GNAQ: variants seen among roughly 807,000 people sequenced by gnomAD.
GNAQ encodes the protein G protein subunit alpha q.
In GNAQ, 8 loss-of-function variants were observed where a neutral mutation model predicts 43.9. The ratio of observed to expected loss-of-function variants is 0.18; its 90% CI spans 0.11 to 0.33. The LOEUF is 0.33. Ranked by LOEUF, GNAQ falls within the 10% of genes least tolerant of loss-of-function variation. The pLI is 1.00. For missense variants in GNAQ, 158 were observed against 450.8 expected, an observed-to-expected ratio of 0.35 and a Z score of 5.88; for synonymous variants, 155 against 170.7, an observed-to-expected ratio of 0.91 and a Z score of 0.71.
chr9:77,789,363 A>G, intron 5 of GNAQ, among the ~76,000 whole-genome samples: 1 of 152,220 alleles, frequency 6.6e-6, no homozygotes, highest in East Asian at 1.9e-4. Context: ...CATATACAAA[A>G]GGCTCACATC....
intron 2 of GNAQ, among the ~76,000 whole-genome samples, chr9:77,899,920 A>G (rs1360686803): frequency 6.6e-6 from 1 of 152,246 alleles, no homozygotes; most frequent in Non-Finnish European, 1.5e-5. Context: ...ATTCTAGCAG[A>G]GCAAATTCTG....
chr9:77,963,941 T>C (rs867024211), intron 1 of GNAQ, among the ~76,000 whole-genome samples: 1 of 152,170 alleles, frequency 6.6e-6, no homozygotes, highest in East Asian at 1.9e-4. Context: ...CAGTTAATAA[T>C]GTAAAAAAGA....
intron 5 of GNAQ, among the ~76,000 whole-genome samples, chr9:77,792,995 T>C (rs1030814110): frequency 6.6e-6 from 1 of 152,008 alleles, no homozygotes. Flanking sequence ...GTACCCAGCA[T>C]ATAGTAGGGA....
chr9:77,924,035 G>A (rs1337455541), intron 1 of GNAQ, among the ~76,000 whole-genome samples: 1 of 152,046 alleles, frequency 6.6e-6, no homozygotes, highest in Admixed American at 6.5e-5. Flanking sequence ...TACAATGAAA[G>A]GTATTTCTAG....
chr9:78,020,963 A>G (rs1390122953), intron 1 of GNAQ, among the ~76,000 whole-genome samples: 1 of 152,094 alleles, frequency 6.6e-6, no homozygotes, highest in Non-Finnish European at 1.5e-5. Context: ...ACATTTCTCC[A>G]GAACTAGCAT....
rs527269073 is a variant in GNAQ, at chr9:77,726,179, G to A, written c.889+2335C>T. 1.1e-4 allele frequency among the ~76,000 whole-genome samples: 16 copies of A among 152,314 alleles called. No individual in the cohort carries two copies. In the East Asian group the frequency reaches 3.1e-3, roughly 29 times the overall value. ...TTTCTGAGCAACACTGAGAAGTGCA[G>A]TCTCAGGCATTGATGATTTGTTTCC... On this transcript the variant is annotated intron_variant, in intron 6 of 6. Coordinates refer to ENST00000286548, the MANE Select transcript of GNAQ (RefSeq NM_002072.5).
chr9:77,766,251 G>T (rs1306481628), intron 5 of GNAQ, among the ~76,000 whole-genome samples: 2 of 152,118 alleles, frequency 1.3e-5, no homozygotes, highest in Non-Finnish European at 2.9e-5. Context: ...TTTTTTATCA[G>T]TGTGAAGTGT....
rs12004884 is a variant in GNAQ, at chr9:77,854,704, C to A, written c.322-38934G>T. On this transcript the variant is annotated intron_variant, in intron 2 of 6. Transcript: ENST00000286548. ...CTCTCTCCATATACTATAACCAGCACAACCACAAAGTTCAAACTCTGCTGG... is the reference window on the plus strand; with the variant it reads ...CTCTCTCCATATACTATAACCAGCAAAACCACAAAGTTCAAACTCTGCTGG... Among the ~76,000 whole-genome samples the A allele has an allele frequency of 7.4e-3, 1,121 of 152,328 alleles. 19 individuals carry two copies. Among genetic ancestry groups the A allele is most frequent in the African/African-American group, 0.025 (1,047 of 41,580 alleles).
chr9:77,731,884 CT>C (rs1273569822), intron 5 of GNAQ, among the ~76,000 whole-genome samples: 3 of 152,228 alleles, frequency 2.0e-5, no homozygotes, highest in East Asian at 1.9e-4. Context: ...GTGCAGACTT[CT>C]TTTTTTCCCC....
intron 2 of GNAQ, among the ~76,000 whole-genome samples, chr9:77,835,225 T>C (rs1827364794): frequency 6.6e-6 from 1 of 151,784 alleles, no homozygotes; most frequent in Non-Finnish European, 1.5e-5. Flanking sequence ...ATTTAATATG[T>C]TTGATCATGA....
chr9:77,967,576 CAT>C (rs948917835), intron 1 of GNAQ, among the ~76,000 whole-genome samples: 15 of 152,252 alleles, frequency 9.9e-5, no homozygotes, highest in African/African-American at 2.6e-4. Context: ...CAAAATGCCA[CAT>C]ATGATTCCAT....
rs368922539 is a variant in GNAQ, at chr9:77,788,310, G to A, written c.735+6153C>T. On this transcript the variant is annotated intron_variant, in intron 5 of 6. Transcript: ENST00000286548. ...CACAGCAGGGAACAGTCACGTAATA[G>A]AGTGACATGGTAGTTTAAATAAATG... Among the ~76,000 whole-genome samples the A allele has an allele frequency of 2.4e-4, 37 of 152,266 alleles. 3 individuals are homozygous for A. The highest frequency in any genetic ancestry group is 8.9e-4 in the African/African-American group (37 of 41,548).
intron 1 of GNAQ, among the ~76,000 whole-genome samples, chr9:77,954,915 G>A (rs945332513): frequency 2.0e-5 from 3 of 152,102 alleles, no homozygotes; most frequent in African/African-American, 7.2e-5. Context: ...TTCCATATTA[G>A]CACTCTGGGT....
In GNAQ at chr9:77,816,992, C is replaced by T. The variant is rs75150409; in HGVS notation, c.322-1222G>A. On this transcript the variant is annotated intron_variant, in intron 2 of 6. Coordinates refer to ENST00000286548, the MANE Select transcript of GNAQ (RefSeq NM_002072.5). ...TTTGTTCTGTTCTGACTGTGACAAT[C>T]GGATCTAGTAACTGAGAAGCCCTAG... Among the ~76,000 whole-genome samples the T allele has an allele frequency of 2.5e-3, 373 of 152,236 alleles. 2 individuals carry two copies. The highest frequency in any genetic ancestry group is 8.3e-3 in the African/African-American group (344 of 41,546).
chr9:77,742,053 T>G (rs781335612), intron 5 of GNAQ, among the ~76,000 whole-genome samples: 32 of 152,208 alleles, frequency 2.1e-4, no homozygotes, highest in Admixed American at 5.2e-4. Context: ...CTTTTGACAG[T>G]GCACACCAGA....
chr9:77,853,774 CAAAAAAAAAA>C (rs34924714), intron 2 of GNAQ, among the ~76,000 whole-genome samples: 14 of 56,760 alleles, frequency 2.5e-4, no homozygotes, highest in East Asian at 6.9e-4. Flanking sequence ...AAATTACTAC[CAAAAAAAAAA>C]AAAAAAAAAA....
At chr9:77,759,906 C>CTT (rs149034604) in intron 5 of GNAQ, among the ~76,000 whole-genome samples, 1 of 149,884 alleles carries the variant, frequency 6.7e-6, no homozygotes, top group Non-Finnish European at 1.5e-5. Flanking sequence ...TTCTTTCTTT[C>CTT]TTTTTTTTCT....
intron 5 of GNAQ, among the ~76,000 whole-genome samples, chr9:77,789,705 C>G (rs1826536932): frequency 6.6e-6 from 1 of 152,114 alleles, no homozygotes; most frequent in South Asian, 2.1e-4. Flanking sequence ...CACAATCGGC[C>G]TTTTTCACAT....
chr9:77,901,724 G>A (rs577477331), intron 2 of GNAQ, among the ~76,000 whole-genome samples: 3 of 152,302 alleles, frequency 2.0e-5, no homozygotes, highest in South Asian at 4.1e-4. Flanking sequence ...TCTAGTTACA[G>A]TCTCAGTCCT....
Sources: gnomAD v4.1 joint callset for allele counts (sites outside exome capture counted in the v4.1 genomes callset) on GRCh38, gnomAD v4.1.1 for gene constraint, MANE v1.5 for transcripts, NCBI Gene and HGNC (gene_info 2026-07-23, HGNC 2026-07-21) for gene names.